The following UBXN4 variants were observed in gnomAD, a reference collection of about 807,000 sequenced individuals.
The protein encoded by UBXN4 is UBX domain-containing protein 4.
UBXN4 carries 35 observed loss-of-function variants against 66.2 expected under a neutral mutation model. That is an observed-to-expected ratio of 0.53 (90% CI 0.40 to 0.70). UBXN4 has a LOEUF of 0.70. Ranked by LOEUF, UBXN4 falls within the 30% of genes least tolerant of loss-of-function variation. The pLI, the probability that UBXN4 is intolerant of heterozygous loss-of-function variation, is 0.00. For missense variants in UBXN4, 533 were observed against 599.8 expected (o/e 0.89, Z 1.16); for synonymous variants, 203 against 204.5 (o/e 0.99, Z 0.06).
At position 135,755,526 on chromosome 2, in the gene UBXN4, C is replaced by T. The variant is rs1428574679; in HGVS notation, c.343C>T (p.Leu115=). The T allele has an allele frequency of 1.1e-5, 18 of 1,579,010 alleles. No homozygotes were observed. Among genetic ancestry groups the T allele is most frequent in the Non-Finnish European group, 1.5e-5 (18 of 1,161,798 alleles). Reference sequence around the variant, plus strand: ...TTTATTTTCTGCCTAGATGCATTTGCTAAAAAGTGAAACATCAGTAGCAAA... The same window carrying T: ...TTTATTTTCTGCCTAGATGCATTTGTTAAAAAGTGAAACATCAGTAGCAAA... The part of the protein sequence containing the change: ...RIHKVRQMHL[L]KSETSVANGS... The change falls in exon 5 of 13, where the codon CTA becomes TTA. Residue 115 remains leucine (L), a synonymous_variant. Coordinates refer to ENST00000272638, the MANE Select transcript of UBXN4 (RefSeq NM_014607.4).
rs1305743300 is a variant in UBXN4 at position 135,749,796 on chromosome 2, G to A, written c.185+1427G>A. The stretch of plus-strand genomic sequence containing the variant: ...TTTTTTAGTTCAAAATTATTCAAGG[G>A]CCACACATTAGGAAGCATTGATTTC... On this transcript the variant is annotated intron_variant, in intron 2 of 12. Transcript: ENST00000272638. Among the ~76,000 whole-genome samples the A allele has an allele frequency of 3.3e-5, 5 of 152,208 alleles. No individual in the cohort carries two copies. In the East Asian group the frequency reaches 9.6e-4, roughly 29 times the overall value.
At chr2:135,759,192 A>G (rs544617955) in intron 5 of UBXN4, among the ~76,000 whole-genome samples, 20 of 152,328 alleles carry the variant, frequency 1.3e-4, no homozygotes, top group African/African-American at 4.8e-4. Flanking sequence ...GTCTCCCTAT[A>G]TGACCACCCT....
intron 2 of UBXN4, among the ~76,000 whole-genome samples, chr2:135,751,180 CT>C (rs1292682952): frequency 6.9e-6 from 1 of 145,116 alleles, no homozygotes; most frequent in Non-Finnish European, 1.5e-5. Context: ...AAATAAATTA[CT>C]TTTTTTTATT....
At position 135,780,326 on chromosome 2, in the gene UBXN4, A is replaced by C; in HGVS notation, c.1329A>C (p.Ser443=). Residue 443 remains serine (S), a synonymous_variant, in exon 12 of 13, where the codon TCA becomes TCC. Coordinates refer to ENST00000272638, the MANE Select transcript of UBXN4 (RefSeq NM_014607.4). ...LFSNPPPTQT[S]VRVTSSEPPN... Reference sequence around the variant, plus strand: ...GTAATCCGCCTCCCACACAGACTTCAGTGAGAGTAACATCGTCAGAACCCC... The same window carrying C: ...GTAATCCGCCTCCCACACAGACTTCCGTGAGAGTAACATCGTCAGAACCCC... The C allele has an allele frequency of 1.9e-6, 3 of 1,614,196 alleles. No individual in the cohort carries two copies. Among genetic ancestry groups the C allele is most frequent in the South Asian group, 2.2e-5 (2 of 91,078 alleles).
chr2:135,781,236 A>G (rs1198677324), intron 12 of UBXN4, among the ~76,000 whole-genome samples: 2 of 152,258 alleles, frequency 1.3e-5, no homozygotes, highest in Admixed American at 6.5e-5. Flanking sequence ...AAACAAAAAC[A>G]AAACAACTTT....
chr2:135,766,813 G>A (rs1387546999), intron 6 of UBXN4, among the ~76,000 whole-genome samples: 1 of 152,126 alleles, frequency 6.6e-6, no homozygotes. Context: ...GATTCAAATG[G>A]TAAATATCCT....
intron 6 of UBXN4, among the ~76,000 whole-genome samples, chr2:135,768,709 G>A (rs925586717): frequency 6.6e-5 from 10 of 151,628 alleles, no homozygotes; most frequent in African/African-American, 2.2e-4. Flanking sequence ...GTTTACAGGC[G>A]CTCACCACCA....
intron 12 of UBXN4, among the ~76,000 whole-genome samples, chr2:135,780,609 AG>A (rs1278791833): frequency 1.3e-5 from 2 of 152,222 alleles, no homozygotes; most frequent in Non-Finnish European, 2.9e-5. Flanking sequence ...TTTGGAAAGC[AG>A]CTTCACCTCT....
At chr2:135,748,230 C>T (rs752424508) in intron 1 of UBXN4, 37 bp from the exon 2 acceptor site, 2 of 1,483,884 alleles carry the variant, frequency 1.3e-6, no homozygotes, top group Non-Finnish European at 1.8e-6. Flanking sequence ...ATCAGCAGAT[C>T]CCAGCCTGGT....
At chr2:135,745,818 C>CTAATGGAGCATTCT (rs200463841) in intron 1 of UBXN4, among the ~76,000 whole-genome samples, 1 of 149,492 alleles carries the variant, frequency 6.7e-6, no homozygotes, top group Non-Finnish European at 1.5e-5. Context: ...TAGGAGTCTG[C>CTAATGGAGCATTCT]TAATGGAGCA....
chr2:135,772,322 C>T, intron 8 of UBXN4, 98 bp from the exon 9 acceptor site: 1 of 1,452,812 alleles, frequency 6.9e-7, no homozygotes, highest in South Asian at 1.3e-5. Context: ...GACCCTGTCT[C>T]TTAATAAAAA....
At chr2:135,779,105 T>G (rs753590016) in intron 11 of UBXN4, 26 bp downstream of exon 11, 1 of 1,551,814 alleles carries the variant, frequency 6.4e-7, no homozygotes, top group Non-Finnish European at 8.7e-7. Flanking sequence ...TGCATTTTTT[T>G]CTCTTCTTAT....
chr2:135,746,122 C>T (rs1017466839), intron 1 of UBXN4, among the ~76,000 whole-genome samples: 6 of 152,068 alleles, frequency 3.9e-5, no homozygotes, highest in South Asian at 2.1e-4. Context: ...GTGATCCGTC[C>T]GCCTAAGCCT....
chr2:135,776,232 A>G lies in UBXN4; in HGVS notation c.951-17A>G, dbSNP rs753620598. The G allele has an allele frequency of 3.3e-5, 53 of 1,602,620 alleles. 1 individual carries two copies. The South Asian group carries it at 5.3e-4, about 16-fold the overall frequency. On this transcript the variant is annotated splice_polypyrimidine_tract_variant and intron_variant, in intron 9 of 12. Coordinates refer to ENST00000272638, the MANE Select transcript of UBXN4 (RefSeq NM_014607.4). The stretch of plus-strand genomic sequence containing the variant: ...TATAGAGGTGAAGATTGTGACTTTA[A>G]TTTTCTTTTTTCATAGCACTGTTGC...
At chr2:135,773,568 G>T (rs1481316508) in intron 9 of UBXN4, among the ~76,000 whole-genome samples, 2 of 152,110 alleles carry the variant, frequency 1.3e-5, no homozygotes. Flanking sequence ...GAAGGAGGTG[G>T]GGGAAATGTT....
chr2:135,766,160 A>C (rs1351788270), intron 6 of UBXN4, among the ~76,000 whole-genome samples: 2 of 152,154 alleles, frequency 1.3e-5, no homozygotes, highest in Non-Finnish European at 2.9e-5. Flanking sequence ...TCTCAAAAAA[A>C]AAAAAAAGTC....
At chr2:135,781,921 T>C (rs561093633) in intron 12 of UBXN4, among the ~76,000 whole-genome samples, 2 of 152,186 alleles carry the variant, frequency 1.3e-5, no homozygotes, top group African/African-American at 2.4e-5. Flanking sequence ...AAAAAAACTT[T>C]TAGTGAGCTG....
intron 1 of UBXN4, among the ~76,000 whole-genome samples, chr2:135,745,875 C>CTTTTTTTTTT (rs59946844): frequency 0.054 from 4,014 of 74,342 alleles, 942 homozygotes; most frequent in Non-Finnish European, 0.059. Context: ...GTCCCGTTTA[C>CTTTTTTTTTT]TTTTTTTTTT....
In UBXN4 at chr2:135,780,321, A is replaced by T. The variant is rs200474378; in HGVS notation, c.1324A>T (p.Thr442Ser). ...FLFSNPPPTQ[T>S]SVRVTSSEPP... ...GTTTAGTAATCCGCCTCCCACACAGACTTCAGTGAGAGTAACATCGTCAGA... is the reference window on the plus strand; with the variant it reads ...GTTTAGTAATCCGCCTCCCACACAGTCTTCAGTGAGAGTAACATCGTCAGA... Residue 442 changes from threonine (T) to serine (S), a missense_variant, in exon 12 of 13, where the codon ACT (threonine) becomes TCT (serine). Transcript: ENST00000272638. The T allele has an allele frequency of 1.9e-6, 3 of 1,614,174 alleles. No individual in the cohort carries two copies. Among genetic ancestry groups the T allele is most frequent in the Non-Finnish European group, 2.5e-6 (3 of 1,180,038 alleles).
Sources: allele counts gnomAD v4.1 joint callset (sites outside exome capture counted in the v4.1 genomes callset), GRCh38; gene constraint gnomAD v4.1.1; transcripts MANE v1.5; gene names NCBI Gene and HGNC (gene_info 2026-07-23, HGNC 2026-07-21).